TBCA: variants seen among roughly 807,000 people sequenced by gnomAD.
The protein encoded by TBCA is tubulin folding cofactor A.
Under a neutral mutation model 15.8 loss-of-function variants are expected in TBCA, and 6 were observed. That is an observed-to-expected ratio of 0.38 (90% CI 0.21 to 0.75). The LOEUF is 0.75. Ranked by LOEUF, TBCA falls within the 30% of genes least tolerant of loss-of-function variation. TBCA has a pLI of 0.46. For synonymous variants in TBCA, 32 were observed against 42.3 expected (o/e 0.76, Z 0.94); for missense variants, 90 against 131.2 (o/e 0.69, Z 1.53).
At chr5:77,694,788 A>G (rs758999306) in intron 2 of TBCA, among the ~76,000 whole-genome samples, 1 of 152,174 alleles carries the variant, frequency 6.6e-6, no homozygotes, top group Non-Finnish European at 1.5e-5. Flanking sequence ...ATTGAAAACA[A>G]AAATCTCAAT....
In TBCA at chr5:77,752,654, G is replaced by C. The variant is rs549239943; in HGVS notation, c.53+23551C>G. Among the ~76,000 whole-genome samples the C allele has an allele frequency of 2.2e-3, 252 of 114,368 alleles. 71 individuals are homozygous for C. The highest frequency in any genetic ancestry group is 3.5e-3 in the Non-Finnish European group (186 of 52,506). The allele number at this position is 114,368 out of a possible 152,430, so 75.0% of individuals were successfully genotyped here. ...GCTCACTGCAAGCTCCGCTTCCCGG[G>C]TTCACGCCATTCTCCTGCCTCAGCC... On this transcript the variant is annotated intron_variant, in intron 1 of 3. Transcript: ENST00000380377.
At chr5:77,736,925 AGATTTAACATTCAGTAACT>A (rs1746922035) in intron 1 of TBCA, among the ~76,000 whole-genome samples, 2 of 152,224 alleles carry the variant, frequency 1.3e-5, no homozygotes, top group Non-Finnish European at 2.9e-5. Context: ...TGGGTATTAG[AGATTTAACATTCAGTAACT>A]GAAACAATAG....
intron 1 of TBCA, among the ~76,000 whole-genome samples, chr5:77,710,324 G>A (rs1746246821): frequency 6.6e-6 from 1 of 151,978 alleles, no homozygotes; most frequent in Admixed American, 6.6e-5. Flanking sequence ...ATTTAAAATT[G>A]TTTTAGCAAT....
chr5:77,735,036 TACTAC>T (rs1746866182), intron 1 of TBCA, among the ~76,000 whole-genome samples: 1 of 152,206 alleles, frequency 6.6e-6, no homozygotes, highest in Non-Finnish European at 1.5e-5. Context: ...ACACATAATA[TACTAC>T]AATACAGAGC....
chr5:77,736,284 C>T lies in TBCA; in HGVS notation c.54-27937G>A, dbSNP rs577974901. ...CCAGGAGGCAGAGGTTGCAGTGAGC[C>T]GAGATCGCACCATTGCACTCCAGCC... On this transcript the variant is annotated intron_variant, in intron 1 of 3. Transcript: ENST00000380377. 1.8e-3 allele frequency among the ~76,000 whole-genome samples: 274 copies of T among 149,004 alleles called. 1 individual carries two copies. Among genetic ancestry groups the T allele is most frequent in the African/African-American group, 6.0e-3 (243 of 40,242 alleles).
chr5:77,736,952 T>C (rs1746922711), intron 1 of TBCA, among the ~76,000 whole-genome samples: 1 of 152,172 alleles, frequency 6.6e-6, no homozygotes, highest in Non-Finnish European at 1.5e-5. Context: ...ACTGAAACAA[T>C]AGGACTTAGT....
chr5:77,774,174 T>G (rs1035137993), intron 1 of TBCA, among the ~76,000 whole-genome samples: 1 of 152,142 alleles, frequency 6.6e-6, no homozygotes, highest in Non-Finnish European at 1.5e-5. Flanking sequence ...GACACCAAAT[T>G]CCAGCTTTAC....
chr5:77,773,060 C>A (rs1386560387), intron 1 of TBCA, among the ~76,000 whole-genome samples: 1 of 152,156 alleles, frequency 6.6e-6, no homozygotes, highest in Admixed American at 6.5e-5. Flanking sequence ...CTGCAACACA[C>A]CCTGATAGTT....
At chr5:77,746,325 A>G (rs1014065728) in intron 1 of TBCA, among the ~76,000 whole-genome samples, 4 of 152,156 alleles carry the variant, frequency 2.6e-5, no homozygotes, top group Admixed American at 2.0e-4. Flanking sequence ...TTACTTTTTC[A>G]ATTATTTCTG....
chr5:77,721,797 TAA>T (rs1307425846), intron 1 of TBCA, among the ~76,000 whole-genome samples: 2 of 152,006 alleles, frequency 1.3e-5, no homozygotes, highest in Admixed American at 1.3e-4. Context: ...GCCTGTAGTT[TAA>T]AAAAAGTCTA....
chr5:77,706,669 C>G (rs2662353), intron 2 of TBCA, among the ~76,000 whole-genome samples: 152 of 151,542 alleles, frequency 1.0e-3, no homozygotes, highest in African/African-American at 3.4e-3. Context: ...AAATTAGCTG[C>G]GCGTGGTGGT....
chr5:77,720,104 C>T (rs562797401), intron 1 of TBCA, among the ~76,000 whole-genome samples: 1 of 152,216 alleles, frequency 6.6e-6, no homozygotes, highest in South Asian at 2.1e-4. Context: ...AGATCATCAT[C>T]ATCTCTCTCT....
At chr5:77,750,667 T>C (rs1272632078) in intron 1 of TBCA, among the ~76,000 whole-genome samples, 4 of 152,156 alleles carry the variant, frequency 2.6e-5, no homozygotes, top group South Asian at 4.1e-4. Flanking sequence ...AATATCACCT[T>C]TGTGAACTCA....
At chr5:77,705,718 C>G (rs997893419) in intron 2 of TBCA, 1 of 394,694 alleles carries the variant, frequency 2.5e-6, no homozygotes, top group Non-Finnish European at 4.5e-6. Context: ...GTCCCAGCTA[C>G]TCTGGAGGCT....
intron 1 of TBCA, among the ~76,000 whole-genome samples, chr5:77,710,209 T>C (rs1255125060): frequency 6.6e-6 from 1 of 152,196 alleles, no homozygotes; most frequent in East Asian, 1.9e-4. Context: ...AAAAAAGCTG[T>C]GACCACAAAG....
chr5:77,727,967 T>C (rs920902674), intron 1 of TBCA, among the ~76,000 whole-genome samples: 3 of 152,098 alleles, frequency 2.0e-5, no homozygotes, highest in Admixed American at 6.5e-5. Context: ...AGTTTTAAGA[T>C]TTTGGAGAAA....
chr5:77,711,777 A>G (rs553602715), intron 1 of TBCA, among the ~76,000 whole-genome samples: 4 of 152,302 alleles, frequency 2.6e-5, no homozygotes, highest in Admixed American at 2.0e-4. Context: ...TGTCTATGGA[A>G]AACAGCAGCA....
At chr5:77,761,173 T>C (rs13183217) in intron 1 of TBCA, among the ~76,000 whole-genome samples, 1,795 of 149,140 alleles carry the variant, frequency 0.012, 18 homozygotes, top group Non-Finnish European at 0.02. Context: ...ATGATGATGA[T>C]GGTGGTTTTG....
intron 1 of TBCA, 118 bp downstream of exon 1, chr5:77,776,087 G>C: frequency 7.8e-7 from 1 of 1,288,818 alleles, no homozygotes; most frequent in East Asian, 2.7e-5. Flanking sequence ...GGAGCCCCGG[G>C]TGCGGCCTGG....
Sources: allele counts gnomAD v4.1 joint callset (sites outside exome capture counted in the v4.1 genomes callset), GRCh38; gene constraint gnomAD v4.1.1; transcripts MANE v1.5; gene names NCBI Gene and HGNC (gene_info 2026-07-23, HGNC 2026-07-21).